The following PACRG variants were observed in gnomAD, a reference collection of about 807,000 sequenced individuals.
PACRG encodes parkin coregulated gene protein.
In PACRG, 29 loss-of-function variants were observed where a neutral mutation model predicts 29.7. That is an observed-to-expected ratio of 0.98 (90% CI 0.73 to 1.33). The LOEUF (loss-of-function observed/expected upper bound fraction) is 1.33. Among genes scored for constraint, PACRG ranks in the 40% most tolerant of loss-of-function variants. The pLI is 0.00. For missense variants in PACRG, 279 were observed against 316.2 expected, an observed-to-expected ratio of 0.88 and a Z score of 0.89; for synonymous variants, 116 against 118.7, an observed-to-expected ratio of 0.98 and a Z score of 0.15.
At chr6:162,799,298 G>A (rs1353477164) in intron 1 of PACRG, among the ~76,000 whole-genome samples, 1 of 152,158 alleles carries the variant, frequency 6.6e-6, no homozygotes, top group African/African-American at 2.4e-5. Context: ...TTTATTTAGG[G>A]CAGACAACAT....
At chr6:163,168,420 G>A (rs1322492080) in intron 4 of PACRG, among the ~76,000 whole-genome samples, 2 of 152,186 alleles carry the variant, frequency 1.3e-5, no homozygotes, top group Admixed American at 6.5e-5. Flanking sequence ...GGTTGGGGGT[G>A]GGGGTGGAGT....
At chr6:162,827,905 C>A (rs1046050396) in intron 2 of PACRG, among the ~76,000 whole-genome samples, 2 of 151,970 alleles carry the variant, frequency 1.3e-5, no homozygotes, top group African/African-American at 2.4e-5. Flanking sequence ...TTGGGGAAAC[C>A]AGCATATGCT....
At chr6:162,996,064 T>A in intron 2 of PACRG, among the ~76,000 whole-genome samples, 1 of 152,188 alleles carries the variant, frequency 6.6e-6, no homozygotes, top group African/African-American at 2.4e-5. Flanking sequence ...GTGATGGTAG[T>A]TACAATACTT....
chr6:163,076,156 G>A (rs1246999158), intron 3 of PACRG, among the ~76,000 whole-genome samples: 1 of 152,048 alleles, frequency 6.6e-6, no homozygotes, highest in Non-Finnish European at 1.5e-5. Flanking sequence ...TCTAATTCTG[G>A]CAGACAATTA....
chr6:163,129,229 G>A (rs1005647904), intron 4 of PACRG, among the ~76,000 whole-genome samples: 3 of 152,260 alleles, frequency 2.0e-5, no homozygotes, highest in East Asian at 3.9e-4. Flanking sequence ...CAATTTGAGC[G>A]CGATTTGAAC....
chr6:163,272,467 C>T (rs1783868321), intron 4 of PACRG, among the ~76,000 whole-genome samples: 1 of 152,098 alleles, frequency 6.6e-6, no homozygotes, highest in African/African-American at 2.4e-5. Context: ...CTTCTCCTTC[C>T]CAAGTTTTTT....
At position 163,211,500 on chromosome 6, in the gene PACRG, G is replaced by A. The variant is rs114498023; in HGVS notation, c.614-103327G>A. On this transcript the variant is annotated intron_variant, in intron 4 of 4. Transcript: ENST00000366888. Reference sequence around the variant, plus strand: ...ACACAGGTGGACTTGCACCTTTACCGTATTTGATTATTTTTCATAACTTAG... The same window carrying A: ...ACACAGGTGGACTTGCACCTTTACCATATTTGATTATTTTTCATAACTTAG... 8.4e-3 allele frequency among the ~76,000 whole-genome samples: 1,280 copies of A among 152,096 alleles called. 16 individuals are homozygous for A. Among genetic ancestry groups the A allele is most frequent in the African/African-American group, 0.028 (1,168 of 41,492 alleles).
chr6:162,735,158 G>A (rs1439261624), intron 1 of PACRG, among the ~76,000 whole-genome samples: 1 of 152,116 alleles, frequency 6.6e-6, no homozygotes, highest in Non-Finnish European at 1.5e-5. Context: ...ATGGGTATTT[G>A]TGTGACCTCC....
intron 2 of PACRG, among the ~76,000 whole-genome samples, chr6:162,935,291 A>G (rs1217915597): frequency 1.3e-5 from 2 of 151,538 alleles, no homozygotes; most frequent in Non-Finnish European, 2.9e-5. Flanking sequence ...GACTTTTTCT[A>G]TTTATTGTTC....
intron 2 of PACRG, among the ~76,000 whole-genome samples, chr6:162,880,428 T>C (rs552185271): frequency 6.6e-6 from 1 of 152,288 alleles, no homozygotes; most frequent in African/African-American, 2.4e-5. Context: ...CTGCTTATTA[T>C]AGAAAGAGCA....
At chr6:163,234,778 C>G (rs1296609773) in intron 4 of PACRG, among the ~76,000 whole-genome samples, 1 of 152,088 alleles carries the variant, frequency 6.6e-6, no homozygotes, top group Non-Finnish European at 1.5e-5. Context: ...TGAAAAATGT[C>G]CATTGAACTG....
intron 4 of PACRG, among the ~76,000 whole-genome samples, chr6:163,145,536 C>T (rs889398451): frequency 1.3e-4 from 20 of 152,190 alleles, no homozygotes; most frequent in African/African-American, 4.8e-4. Context: ...GGTTTTCAAG[C>T]TGGGATGATT....
At chr6:163,056,261 C>T (rs1015864472) in intron 2 of PACRG, among the ~76,000 whole-genome samples, 1 of 152,156 alleles carries the variant, frequency 6.6e-6, no homozygotes, top group Non-Finnish European at 1.5e-5. Flanking sequence ...GAATTGAAAC[C>T]AGGTGTTCAA....
intron 1 of PACRG, among the ~76,000 whole-genome samples, chr6:162,773,493 CATTTTTTTT>C (rs1783385409): frequency 3.6e-5 from 3 of 82,728 alleles, no homozygotes; most frequent in African/African-American, 1.4e-4. Flanking sequence ...TACAGCTTGT[CATTTTTTTT>C]TTTTTTTTTT....
At chr6:162,880,966 T>G (rs1366408176) in intron 2 of PACRG, among the ~76,000 whole-genome samples, 1 of 152,252 alleles carries the variant, frequency 6.6e-6, no homozygotes, top group African/African-American at 2.4e-5. Flanking sequence ...AGCCACGCTC[T>G]GTCTGTACAT....
intron 4 of PACRG, among the ~76,000 whole-genome samples, chr6:163,107,682 G>A (rs1411260677): frequency 1.3e-5 from 2 of 152,074 alleles, no homozygotes; most frequent in Admixed American, 6.5e-5. Context: ...TATTCTTCTC[G>A]TGCATCCTGT....
At chr6:162,972,615 C>T (rs184919581) in intron 2 of PACRG, among the ~76,000 whole-genome samples, 74 of 152,250 alleles carry the variant, frequency 4.9e-4, no homozygotes, top group African/African-American at 1.6e-3. Context: ...GTAGAAGTTC[C>T]CTCATCCCCC....
rs561328162 is a variant in PACRG, at chr6:162,809,209, C to A, written c.157-4938C>A. 2.2e-4 allele frequency among the ~76,000 whole-genome samples: 33 copies of A among 152,126 alleles called. No individual in the cohort carries two copies. In the East Asian group the frequency reaches 6.2e-3, roughly 29 times the overall value. On this transcript the variant is annotated intron_variant, in intron 1 of 4. Transcript: ENST00000366888. ...CAGTGCCACTGATGCACCGAGACAG[C>A]TAATTGAGAACATTCTTGCTTCTGT...
At position 162,947,877 on chromosome 6, in the gene PACRG, A is replaced by G. The variant is rs1462868110; in HGVS notation, c.292-114273A>G. 3.3e-5 allele frequency among the ~76,000 whole-genome samples: 5 copies of G among 151,562 alleles called. No individual in the cohort carries two copies. The East Asian group carries it at 7.7e-4, about 23-fold the overall frequency. On this transcript the variant is annotated intron_variant, in intron 2 of 4. Coordinates refer to ENST00000366888, the MANE Select transcript of PACRG (RefSeq NM_001080379.2). ...GAAACACCTCTACAAAGAAAACTACATAACACTGATTTAAAAAATTAAAGA... is the reference window on the plus strand; with the variant it reads ...GAAACACCTCTACAAAGAAAACTACGTAACACTGATTTAAAAAATTAAAGA...
Sources: allele counts gnomAD v4.1 joint callset (sites outside exome capture counted in the v4.1 genomes callset), GRCh38; gene constraint gnomAD v4.1.1; transcripts MANE v1.5; gene names NCBI Gene and HGNC (gene_info 2026-07-23, HGNC 2026-07-21).